Variants in IPCEF1 observed in about 807,000 individuals in gnomAD.
The protein encoded by IPCEF1 is interaction protein for cytohesin exchange factors 1.
A neutral mutation model predicts 50.9 loss-of-function variants in IPCEF1; 31 were observed. The ratio of observed to expected loss-of-function variants is 0.61; its 90% confidence interval spans 0.46 to 0.82. The LOEUF is 0.82. IPCEF1 is among the 40% of genes least tolerant of loss of function. The pLI, the probability that IPCEF1 is intolerant of heterozygous loss-of-function variation, is 0.00. For missense variants in IPCEF1, 458 were observed against 514.0 expected (o/e 0.89, Z 1.05); for synonymous variants, 181 against 192.0 (o/e 0.94, Z 0.47).
At chr6:154,192,358 ATG>A (rs1022939800) in intron 10 of IPCEF1, among the ~76,000 whole-genome samples, 1 of 91,556 alleles carries the variant, frequency 1.1e-5, no homozygotes, top group East Asian at 4.5e-4. Flanking sequence ...GTGTGTATGC[ATG>A]TGTGTGTATT....
intron 1 of IPCEF1, among the ~76,000 whole-genome samples, chr6:154,314,878 T>C (rs1480935174): frequency 6.6e-6 from 1 of 150,392 alleles, no homozygotes; most frequent in Non-Finnish European, 1.5e-5. Context: ...TTCACTAGTG[T>C]GATTACTTTT....
chr6:154,217,798 A>G (rs1302085706), intron 7 of IPCEF1, among the ~76,000 whole-genome samples: 1 of 152,232 alleles, frequency 6.6e-6, no homozygotes, highest in Non-Finnish European at 1.5e-5. Context: ...AAGCATCTAA[A>G]AGTGAAATAG....
intron 10 of IPCEF1, among the ~76,000 whole-genome samples, chr6:154,195,791 ATTTTT>A (rs34769762): frequency 7.7e-6 from 1 of 130,570 alleles, no homozygotes; most frequent in Admixed American, 7.5e-5. Flanking sequence ...CTTGTTCACA[ATTTTT>A]TTTTTTTTTT....
At chr6:154,328,502 G>A (rs930041821) in intron 1 of IPCEF1, among the ~76,000 whole-genome samples, 10 of 151,962 alleles carry the variant, frequency 6.6e-5, no homozygotes, top group Non-Finnish European at 1.3e-4. Context: ...CAGTTTGGGA[G>A]GCTAAGACAG....
intron 7 of IPCEF1, among the ~76,000 whole-genome samples, chr6:154,218,738 A>G (rs933789649): frequency 2.0e-5 from 3 of 152,224 alleles, no homozygotes; most frequent in South Asian, 2.1e-4. Context: ...TATTATAAAC[A>G]TGAGAAGTTA....
chr6:154,290,442 G>T (rs974320647), intron 1 of IPCEF1, among the ~76,000 whole-genome samples: 1 of 152,116 alleles, frequency 6.6e-6, no homozygotes, highest in Non-Finnish European at 1.5e-5. Context: ...TGTCCGCTTG[G>T]CACTTTTCCA....
chr6:154,168,848 C>A lies in IPCEF1; in HGVS notation c.911-735G>T, dbSNP rs530967463. Among the ~76,000 whole-genome samples the A allele has an allele frequency of 7.8e-6, 1 of 128,158 alleles. No homozygotes were observed. The highest frequency in any genetic ancestry group is 3.4e-5 in the African/African-American group (1 of 29,416). The allele number at this position is 128,158 out of a possible 152,430, so 84.1% of individuals were successfully genotyped here. A position where few individuals can be genotyped will look rare whatever the true frequency, so the allele number is the denominator to read the frequency against. On this transcript the variant is annotated intron_variant, in intron 10 of 11. Transcript: ENST00000367220. The surrounding 1 kb of genome is among the most constrained non-coding windows in gnomAD (Gnocchi z 4.1). Reference sequence around the variant, plus strand: ...CTTGAACTCCTGACTTTGGGTGATCCGCCCACCTTGGCCTCCCAAAGTGCT... The same window carrying A: ...CTTGAACTCCTGACTTTGGGTGATCAGCCCACCTTGGCCTCCCAAAGTGCT...
chr6:154,292,867 G>A (rs1260855833), intron 1 of IPCEF1, among the ~76,000 whole-genome samples: 2 of 152,096 alleles, frequency 1.3e-5, no homozygotes, highest in Admixed American at 1.3e-4. Flanking sequence ...AAAGTGATTG[G>A]CTTTTCTTCA....
intron 10 of IPCEF1, among the ~76,000 whole-genome samples, chr6:154,180,240 A>T (rs768066550): frequency 6.6e-6 from 1 of 151,794 alleles, no homozygotes; most frequent in Non-Finnish European, 1.5e-5. Flanking sequence ...AATGTCAGTG[A>T]CCCTTCACTT....
At chr6:154,346,818 A>G (rs756561937) in intron 1 of IPCEF1, among the ~76,000 whole-genome samples, 5 of 152,180 alleles carry the variant, frequency 3.3e-5, no homozygotes, top group African/African-American at 4.8e-5. Flanking sequence ...ACCTCCCACA[A>G]GTTTCCTCCC....
chr6:154,235,411 A>G (rs1196213890), intron 5 of IPCEF1, among the ~76,000 whole-genome samples: 1 of 151,898 alleles, frequency 6.6e-6, no homozygotes, highest in African/African-American at 2.4e-5. Flanking sequence ...GGGTGCCTGT[A>G]GTCCCAGCTA....
At chr6:154,249,093 G>A (rs1255982797) in intron 3 of IPCEF1, among the ~76,000 whole-genome samples, 3 of 152,058 alleles carry the variant, frequency 2.0e-5, no homozygotes, top group Non-Finnish European at 4.4e-5. Context: ...CCATAAAGAT[G>A]GCAGTAATTA....
intron 4 of IPCEF1, 170 bp downstream of exon 4, chr6:154,247,279 T>C: frequency 1.7e-6 from 1 of 581,084 alleles, no homozygotes; most frequent in Non-Finnish European, 3.1e-6. Flanking sequence ...GAACAACATG[T>C]CGTCATTTCT....
chr6:154,335,488 T>A (rs373631434), intron 1 of IPCEF1, among the ~76,000 whole-genome samples: 1 of 152,094 alleles, frequency 6.6e-6, no homozygotes, highest in African/African-American at 2.4e-5. Context: ...CCATACAGTA[T>A]CAATATAAGA....
intron 1 of IPCEF1, among the ~76,000 whole-genome samples, chr6:154,312,364 T>A (rs1783098905): frequency 6.6e-6 from 1 of 152,146 alleles, no homozygotes; most frequent in Admixed American, 6.5e-5. Context: ...CTTTTTTTTT[T>A]GAGACAAAGT....
chr6:154,166,664 G>A (rs908423916), intron 11 of IPCEF1, among the ~76,000 whole-genome samples: 3 of 152,164 alleles, frequency 2.0e-5, no homozygotes, highest in Non-Finnish European at 2.9e-5. Flanking sequence ...TACACCGGTA[G>A]AGTCCATTCA....
intron 1 of IPCEF1, among the ~76,000 whole-genome samples, chr6:154,324,451 T>C (rs1035381438): frequency 1.3e-5 from 2 of 152,026 alleles, no homozygotes; most frequent in Non-Finnish European, 2.9e-5. Flanking sequence ...AAGAAAATCA[T>C]AAAACTATTC....
intron 1 of IPCEF1, among the ~76,000 whole-genome samples, chr6:154,327,179 CA>C (rs1351345891): frequency 1.3e-5 from 2 of 152,020 alleles, no homozygotes; most frequent in Non-Finnish European, 1.5e-5. Context: ...ACGGAAATGC[CA>C]AAAGTAATTG....
intron 10 of IPCEF1, among the ~76,000 whole-genome samples, chr6:154,174,498 A>G (rs1229198742): frequency 6.6e-6 from 1 of 150,916 alleles, no homozygotes; most frequent in Non-Finnish European, 1.5e-5. Context: ...AATGGAAAGC[A>G]AAAAAAAAGC....
Sources: allele counts gnomAD v4.1 joint callset (sites outside exome capture counted in the v4.1 genomes callset), GRCh38; gene constraint gnomAD v4.1.1; non-coding constraint Gnocchi (gnomAD v3.1); transcripts MANE v1.5; gene names NCBI Gene and HGNC (gene_info 2026-07-23, HGNC 2026-07-21).